Variants in TNKS observed in about 807,000 individuals in gnomAD.
TNKS encodes the protein tankyrase, also known as poly [ADP-ribose] polymerase tankyrase-1.
Under a neutral mutation model 135.8 loss-of-function variants are expected in TNKS, and 72 were observed. The observed-to-expected ratio is 0.53, with a 90% confidence interval of 0.44 to 0.64. The LOEUF (loss-of-function observed/expected upper bound fraction) is 0.64. TNKS is among the 30% of genes least tolerant of loss of function. The pLI, the probability that TNKS is intolerant of heterozygous loss-of-function variation, is 0.00. For missense variants in TNKS, 1,769 were observed against 1,674.0 expected (o/e 1.06, Z -0.99); for synonymous variants, 849 against 649.3 (o/e 1.31, Z -4.68).
chr8:9,592,778 A>G (rs1316631878), intron 2 of TNKS, among the ~76,000 whole-genome samples: 1 of 152,214 alleles, frequency 6.6e-6, no homozygotes, highest in Non-Finnish European at 1.5e-5. Flanking sequence ...TGTTACATGG[A>G]TAAGGAAGCT....
chr8:9,567,955 G>A (rs10098758), intron 1 of TNKS, among the ~76,000 whole-genome samples: 37,984 of 151,972 alleles, frequency 0.25, 4,963 homozygotes, highest in East Asian at 0.4. Flanking sequence ...AAAAAAAGGG[G>A]GGTATCATAG....
chr8:9,771,834 GGA>G (rs1217760949), intron 26 of TNKS, among the ~76,000 whole-genome samples: 2 of 55,446 alleles, frequency 3.6e-5, no homozygotes, highest in Non-Finnish European at 7.7e-5. Context: ...AATGAAGCGG[GGA>G]GAGAGGGGAG....
intron 1 of TNKS, among the ~76,000 whole-genome samples, chr8:9,568,964 A>G (rs1797657011): frequency 6.6e-6 from 1 of 152,234 alleles, no homozygotes; most frequent in Admixed American, 6.5e-5. Context: ...TTGAGCATTT[A>G]GAAAATATTG....
chr8:9,724,757 A>C lies in TNKS; in HGVS notation c.1922-1884A>C, dbSNP rs189549432. Among the ~76,000 whole-genome samples, 40 of 152,314 alleles carry C rather than the reference A, an allele frequency of 2.6e-4. No homozygotes were observed. In the East Asian group the frequency reaches 7.7e-3, roughly 29 times the overall value. On this transcript the variant is annotated intron_variant, in intron 12 of 26. Coordinates refer to ENST00000310430, the MANE Select transcript of TNKS (RefSeq NM_003747.3). Reference sequence around the variant, plus strand: ...CATCTTTACTTTCTCCTCTTTAACCAGGACTAATAATTCTTTTCTCATAGT... The same window carrying C: ...CATCTTTACTTTCTCCTCTTTAACCCGGACTAATAATTCTTTTCTCATAGT...
intron 26 of TNKS, among the ~76,000 whole-genome samples, chr8:9,775,648 C>A (rs1405419047): frequency 2.0e-5 from 3 of 151,200 alleles, no homozygotes; most frequent in Non-Finnish European, 4.4e-5. Flanking sequence ...TATTCTAAGA[C>A]TTTTGCATTT....
At chr8:9,764,585 C>T in intron 22 of TNKS, 131 bp from the exon 23 acceptor site, 1 of 513,646 alleles carries the variant, frequency 1.9e-6, no homozygotes, top group East Asian at 3.5e-5. Context: ...ACCAAAAATA[C>T]TTATCCACTA....
At chr8:9,562,715 G>T (rs1002905068) in intron 1 of TNKS, among the ~76,000 whole-genome samples, 1 of 151,932 alleles carries the variant, frequency 6.6e-6, no homozygotes, top group Non-Finnish European at 1.5e-5. Context: ...GTTGCATCTG[G>T]CCATCATTTC....
At chr8:9,636,107 C>G (rs558006816) in intron 3 of TNKS, among the ~76,000 whole-genome samples, 1 of 152,232 alleles carries the variant, frequency 6.6e-6, no homozygotes, top group African/African-American at 2.4e-5. Context: ...TGTATTGCAG[C>G]CTTCTCAAAT....
At chr8:9,686,707 A>T (rs1310547060) in intron 5 of TNKS, among the ~76,000 whole-genome samples, 2 of 152,154 alleles carry the variant, frequency 1.3e-5, no homozygotes, top group African/African-American at 2.4e-5. Flanking sequence ...TTCCCCCTTG[A>T]AATGCAAAAA....
intron 5 of TNKS, among the ~76,000 whole-genome samples, chr8:9,699,406 A>G (rs1337526692): frequency 6.6e-6 from 1 of 152,110 alleles, no homozygotes; most frequent in East Asian, 1.9e-4. Context: ...CTTTTTTCCC[A>G]AAGTTTGAAA....
chr8:9,690,253 A>T (rs1803202368), intron 5 of TNKS, among the ~76,000 whole-genome samples: 5 of 152,208 alleles, frequency 3.3e-5, no homozygotes. Context: ...AAAGAGAAAC[A>T]CAAATTGCTG....
intron 3 of TNKS, among the ~76,000 whole-genome samples, chr8:9,666,138 G>C (rs1478358142): frequency 6.6e-6 from 1 of 152,156 alleles, no homozygotes; most frequent in East Asian, 1.9e-4. Context: ...TAAGCTTCCA[G>C]CTCATGATGG....
intron 2 of TNKS, among the ~76,000 whole-genome samples, chr8:9,613,626 A>T (rs1471202866): frequency 6.6e-6 from 1 of 152,198 alleles, no homozygotes; most frequent in Non-Finnish European, 1.5e-5. Context: ...GTCTGTGTTC[A>T]GGTCTAATTA....
chr8:9,692,069 T>C (rs1204189377), intron 5 of TNKS, among the ~76,000 whole-genome samples: 12 of 152,136 alleles, frequency 7.9e-5, no homozygotes, highest in Non-Finnish European at 8.8e-5. Context: ...CTACTTTTAT[T>C]TTAGGTTCAG....
At chr8:9,634,712 A>G (rs983376256) in intron 3 of TNKS, among the ~76,000 whole-genome samples, 4 of 152,196 alleles carry the variant, frequency 2.6e-5, no homozygotes, top group Non-Finnish European at 5.9e-5. Context: ...TACAGAAAAG[A>G]CCTAGAAGCA....
intron 5 of TNKS, among the ~76,000 whole-genome samples, chr8:9,696,654 G>T (rs12056942): frequency 0.2 from 30,056 of 152,034 alleles, 3,489 homozygotes; most frequent in East Asian, 0.31. Context: ...TATACACCAT[G>T]AGCATCCAGG....
At chr8:9,723,998 T>A (rs951380034) in intron 12 of TNKS, among the ~76,000 whole-genome samples, 8 of 152,196 alleles carry the variant, frequency 5.3e-5, no homozygotes, top group Non-Finnish European at 7.4e-5. Flanking sequence ...AGTCCAGTAG[T>A]CTAATATTGA....
At chr8:9,654,961 G>A (rs540850873) in intron 3 of TNKS, among the ~76,000 whole-genome samples, 31 of 152,302 alleles carry the variant, frequency 2.0e-4, no homozygotes, top group African/African-American at 6.3e-4. Flanking sequence ...CGCCTCACCT[G>A]GGAAGCGCAA....
At chr8:9,592,476 GTTC>G (rs1317143014) in intron 2 of TNKS, among the ~76,000 whole-genome samples, 3 of 152,126 alleles carry the variant, frequency 2.0e-5, no homozygotes, top group African/African-American at 7.2e-5. Flanking sequence ...TAAACTTCCT[GTTC>G]TTCTTGGCGT....
Sources: allele counts gnomAD v4.1 joint callset (sites outside exome capture counted in the v4.1 genomes callset), GRCh38; gene constraint gnomAD v4.1.1; transcripts MANE v1.5; gene names NCBI Gene and HGNC (gene_info 2026-07-23, HGNC 2026-07-21).